Variants in SGIP1 observed in about 807,000 individuals in gnomAD.
SGIP1 encodes the protein SH3-containing GRB2-like protein 3-interacting protein 1.
In SGIP1, 38 loss-of-function variants were observed where a neutral mutation model predicts 107.5. That is an observed-to-expected ratio of 0.35 (90% CI 0.27 to 0.46). The LOEUF is 0.46. Ranked by LOEUF, SGIP1 falls within the 20% of genes least tolerant of loss-of-function variation. SGIP1 has a pLI of 1.00. For synonymous variants in SGIP1, 365 were observed against 366.1 expected, an observed-to-expected ratio of 1.00 and a Z score of 0.03; for missense variants, 929 against 1,019.5, an observed-to-expected ratio of 0.91 and a Z score of 1.21.
intron 7 of SGIP1, among the ~76,000 whole-genome samples, chr1:66,655,462 T>C (rs2079562633): frequency 6.6e-6 from 1 of 152,228 alleles, no homozygotes. Flanking sequence ...TCTTCTAAAA[T>C]ACTAAATACT....
intron 19 of SGIP1, among the ~76,000 whole-genome samples, chr1:66,728,609 C>A (rs1270603763): frequency 1.3e-5 from 2 of 152,084 alleles, no homozygotes; most frequent in Non-Finnish European, 1.5e-5. Flanking sequence ...CGGTTATATT[C>A]CCAAAGAAAT....
At position 66,741,432 on chromosome 1, in the gene SGIP1, T is replaced by G. The variant is rs2094442722; in HGVS notation, c.2460T>G (p.Ala820=). The G allele has an allele frequency of 6.4e-7, 1 of 1,566,580 alleles. No homozygotes were observed. Among genetic ancestry groups the G allele is most frequent in the Admixed American group, 1.9e-5 (1 of 52,634 alleles). The change falls in exon 24 of 25, where the codon GCT becomes GCG. Residue 820 remains alanine, a synonymous_variant. Coordinates refer to ENST00000371037, the MANE Select transcript of SGIP1 (RefSeq NM_032291.4). ...YRFSLIKKRF[A]AGKYLADN ...TTTCACTCATCAAGAAAAGGTTTGC[T>G]GCAGGTAAATGAGTATCTTGATTTT...
intron 1 of SGIP1, among the ~76,000 whole-genome samples, chr1:66,598,136 C>T (rs2065083935): frequency 6.6e-6 from 1 of 152,090 alleles, no homozygotes; most frequent in Non-Finnish European, 1.5e-5. Flanking sequence ...TAGATGCTGA[C>T]ACTAGTTACT....
intron 1 of SGIP1, among the ~76,000 whole-genome samples, chr1:66,578,164 T>C (rs1049957863): frequency 6.6e-6 from 1 of 152,194 alleles, no homozygotes; most frequent in South Asian, 2.1e-4. Flanking sequence ...CATGTAATAA[T>C]AGTTCCCCAG....
At chr1:66,607,987 C>T (rs1003239662) in intron 1 of SGIP1, among the ~76,000 whole-genome samples, 3 of 152,142 alleles carry the variant, frequency 2.0e-5, no homozygotes, top group Non-Finnish European at 2.9e-5. Flanking sequence ...CTGAGTTCAG[C>T]GTGTACATGG....
intron 4 of SGIP1, among the ~76,000 whole-genome samples, chr1:66,639,208 C>T (rs992805045): frequency 2.0e-5 from 3 of 152,026 alleles, no homozygotes. Context: ...ATAAGAAAAG[C>T]CATTTGAAAA....
At position 66,590,971 on chromosome 1, in the gene SGIP1, C is replaced by G. The variant is rs139103305; in HGVS notation, c.11-34876C>G. Among the ~76,000 whole-genome samples, 125 of 152,252 alleles carry G rather than the reference C, an allele frequency of 8.2e-4. 4 individuals carry two copies. In the East Asian group the frequency reaches 0.017, roughly 21 times the overall value. Reference sequence around the variant, plus strand: ...TCACTTGTCCTCCTTTTCAAACTGCCCCAACAAAATATCCACTCTTACCAA... The same window carrying G: ...TCACTTGTCCTCCTTTTCAAACTGCGCCAACAAAATATCCACTCTTACCAA... On this transcript the variant is annotated intron_variant, in intron 1 of 24. Transcript: ENST00000371037.
chr1:66,702,526 A>T (rs1481459718), intron 18 of SGIP1, among the ~76,000 whole-genome samples: 1 of 152,228 alleles, frequency 6.6e-6, no homozygotes, highest in Admixed American at 6.5e-5. Flanking sequence ...GAAAGGTTTT[A>T]AATTATCCAT....
chr1:66,634,523 T>C, intron 3 of SGIP1, among the ~76,000 whole-genome samples: 1 of 152,186 alleles, frequency 6.6e-6, no homozygotes, highest in East Asian at 1.9e-4. Flanking sequence ...CAGCAGTCAT[T>C]CTGGGGACGC....
At chr1:66,618,067 C>T (rs2069873840) in intron 1 of SGIP1, among the ~76,000 whole-genome samples, 1 of 152,134 alleles carries the variant, frequency 6.6e-6, no homozygotes, top group South Asian at 2.1e-4. Context: ...TTGTGTTGAA[C>T]TAAGATAAGA....
Position 66,603,949 on chromosome 1 carries a change from C to A in SGIP1, c.11-21898C>A, listed in dbSNP as rs528047608. Among the ~76,000 whole-genome samples, 16 of 152,154 alleles carry A rather than the reference C, an allele frequency of 1.1e-4. 1 individual carries two copies. The South Asian group carries it at 3.1e-3, about 30-fold the overall frequency. On this transcript the variant is annotated intron_variant, in intron 1 of 24. Coordinates refer to ENST00000371037, the MANE Select transcript of SGIP1 (RefSeq NM_032291.4). Reference sequence around the variant, plus strand: ...AATATACTAAGAATCGGAAAAGAGTCCAGAGGATATGGACTACAGTGTTTT... The same window carrying A: ...AATATACTAAGAATCGGAAAAGAGTACAGAGGATATGGACTACAGTGTTTT...
At chr1:66,673,396 T>C (rs758557844) in intron 12 of SGIP1, 30 bp downstream of exon 12, 2 of 1,553,364 alleles carry the variant, frequency 1.3e-6, no homozygotes, top group Non-Finnish European at 1.7e-6. Context: ...ATATTATAGA[T>C]TTGTTTTTTC....
At chr1:66,742,833 TGG>T (rs994220998) in intron 24 of SGIP1, among the ~76,000 whole-genome samples, 3 of 152,180 alleles carry the variant, frequency 2.0e-5, no homozygotes, top group Non-Finnish European at 4.4e-5. Context: ...CAATCTATTC[TGG>T]GCAAACCCCA....
chr1:66,551,232 A>G (rs2057354395), intron 1 of SGIP1, among the ~76,000 whole-genome samples: 1 of 152,180 alleles, frequency 6.6e-6, no homozygotes, highest in South Asian at 2.1e-4. Context: ...GTGGCATTGT[A>G]TGATAAAGCA....
intron 1 of SGIP1, among the ~76,000 whole-genome samples, chr1:66,572,054 C>A (rs556627264): frequency 6.6e-6 from 1 of 152,178 alleles, no homozygotes; most frequent in African/African-American, 2.4e-5. Context: ...TGTCTCTGTA[C>A]TCCCAGCACC....
Position 66,534,280 on chromosome 1 carries a change from G to A in SGIP1, c.-79G>A. The A allele has an allele frequency of 4.0e-6, 6 of 1,495,820 alleles. No individual in the cohort carries two copies. Among genetic ancestry groups the A allele is most frequent in the Non-Finnish European group, 5.6e-6 (6 of 1,072,312 alleles). The allele number at this position is 1,495,820 out of a possible 1,614,324, so 92.7% of individuals were successfully genotyped here. A position where few individuals can be genotyped will look rare whatever the true frequency, so the allele number is the denominator to read the frequency against. On this transcript the variant is annotated 5_prime_UTR_variant, in exon 1 of 25. Coordinates refer to ENST00000371037, the MANE Select transcript of SGIP1 (RefSeq NM_032291.4). ...TAGACCTCAGCAGCGGCGTGGTGAG[G>A]ACTTAGCTGGGACCTGGAATCGTAT... is the stretch of plus-strand genomic sequence containing the variant.
intron 8 of SGIP1, among the ~76,000 whole-genome samples, chr1:66,667,180 C>A (rs187607830): frequency 1.9e-3 from 272 of 141,752 alleles, no homozygotes; most frequent in African/African-American, 7.2e-3. Flanking sequence ...TCTCTAAGTA[C>A]CCCCCCCCAA....
At chr1:66,701,458 A>AC (rs2091896583) in intron 18 of SGIP1, among the ~76,000 whole-genome samples, 1 of 152,208 alleles carries the variant, frequency 6.6e-6, no homozygotes, top group Non-Finnish European at 1.5e-5. Context: ...GAAATATTAA[A>AC]ACCACGCTCC....
At chr1:66,737,979 C>T (rs1160072193) in intron 21 of SGIP1, among the ~76,000 whole-genome samples, 1 of 151,998 alleles carries the variant, frequency 6.6e-6, no homozygotes, top group African/African-American at 2.4e-5. Flanking sequence ...AAAGCACCTC[C>T]CCAGGTAGAG....
Sources: gnomAD v4.1 joint callset for allele counts (sites outside exome capture counted in the v4.1 genomes callset) on GRCh38, gnomAD v4.1.1 for gene constraint, MANE v1.5 for transcripts, NCBI Gene and HGNC (gene_info 2026-07-23, HGNC 2026-07-21) for gene names.